The following TYMS variants were observed in gnomAD, a reference collection of about 807,000 sequenced individuals.
TYMS encodes thymidylate synthase.
In TYMS, 21 loss-of-function variants were observed where a neutral mutation model predicts 39.3. The observed-to-expected ratio is 0.54, with a 90% confidence interval of 0.38 to 0.77. TYMS has a LOEUF of 0.77. Ranked by LOEUF, TYMS falls within the 30% of genes least tolerant of loss-of-function variation. The pLI is 0.00. For synonymous variants in TYMS, 171 were observed against 162.2 expected, an observed-to-expected ratio of 1.05 and a Z score of -0.41; for missense variants, 273 against 406.7, an observed-to-expected ratio of 0.67 and a Z score of 2.83.
intron 1 of TYMS, 22 bp from the exon 2 acceptor site, chr18:659,619 C>T (rs184989750): frequency 1.1e-5 from 17 of 1,608,576 alleles, no homozygotes; most frequent in East Asian, 2.2e-5. Flanking sequence ...ATCTTGAAAC[C>T]GTATGGCAAA....
chr18:667,453 GTGA>G (rs767445817), intron 3 of TYMS, among the ~76,000 whole-genome samples: 65 of 972 alleles, frequency 0.067, 23 homozygotes, highest in Non-Finnish European at 0.08. Flanking sequence ...GATGGTGATG[GTGA>G]TGATGGAGAT....
At chr18:666,963 A>ATGGTGATGGTGATGGAGATGGT (rs2074840641) in intron 3 of TYMS, among the ~76,000 whole-genome samples, 1 of 15,908 alleles carries the variant, frequency 6.3e-5, no homozygotes, top group Non-Finnish European at 1.1e-4. Context: ...ATGGAGATGG[A>ATGGTGATGGTGATGGAGATGGT]GATGGTGATG....
chr18:658,435 CT>C lies in TYMS; in HGVS notation c.205+489del. The C allele has an allele frequency of 1.1e-6, 1 of 902,848 alleles. No individual in the cohort carries two copies. The allele number at this position is 902,848 out of a possible 1,614,324, so 55.9% of individuals were successfully genotyped here. A position where few individuals can be genotyped will look rare whatever the true frequency, so the allele number is the denominator to read the frequency against. On this transcript the variant is annotated intron_variant, in intron 1 of 6. Transcript: ENST00000323274. The surrounding 1 kb of genome is among the most constrained non-coding windows in gnomAD (Gnocchi z 4.5). ...CAAAGGCGGCGGGAAGAGGAGAGCA[CT>C]GAAGCTGGCGCGGGAACTTGGTTTC...
chr18:666,550 G>T (rs1049667338), intron 3 of TYMS, among the ~76,000 whole-genome samples: 6 of 152,194 alleles, frequency 3.9e-5, no homozygotes, highest in African/African-American at 4.8e-5. Flanking sequence ...GGGTTTGTGT[G>T]TGCAATTTAC....
At chr18:672,491 G>T in intron 6 of TYMS, 1 of 161,888 alleles carries the variant, frequency 6.2e-6, no homozygotes. Flanking sequence ...CCTTCTTTCT[G>T]CCAGGGACAG....
rs1003809286 is a variant in TYMS at position 672,712 on chromosome 18, A to G, written c.805-148A>G. 3.1e-5 allele frequency: 26 copies of G among 832,578 alleles called. No individual in the cohort carries two copies. In the African/African-American group the frequency reaches 3.2e-4, roughly 10 times the overall value. 51.6% of individuals were successfully genotyped at this position (832,578 alleles called of 1,614,324 possible). A position where few individuals can be genotyped will look rare whatever the true frequency, so the allele number is the denominator to read the frequency against. ...GCTGGTTGCGCTCCAATCATGTTAC[A>G]TAACCTACGGCAAGGTATCGACAGG... is the stretch of plus-strand genomic sequence containing the variant. On this transcript the variant is annotated intron_variant, in intron 6 of 6. Transcript: ENST00000323274.
chr18:671,351 C>G (rs779270127), intron 5 of TYMS, 29 bp from the exon 6 acceptor site: 1 of 1,429,422 alleles, frequency 7.0e-7, no homozygotes, highest in Non-Finnish European at 9.9e-7. Flanking sequence ...AACTAACATA[C>G]TGTTCTGCTT....
At chr18:667,189 G>GGT in intron 3 of TYMS, among the ~76,000 whole-genome samples, 1 of 96,764 alleles carries the variant, frequency 1.0e-5, no homozygotes, top group African/African-American at 6.3e-5. Context: ...TGATGGTGAT[G>GGT]GAGATGGTGA....
intron 2 of TYMS, among the ~76,000 whole-genome samples, chr18:661,783 C>G (rs2074757777): frequency 6.6e-6 from 1 of 152,106 alleles, no homozygotes; most frequent in African/African-American, 2.4e-5. Flanking sequence ...GTCAGGAGTT[C>G]GAGGCCAGCC....
intron 2 of TYMS, 47 bp from the exon 3 acceptor site, chr18:662,099 C>G: frequency 1.3e-6 from 2 of 1,550,222 alleles, no homozygotes; most frequent in Non-Finnish European, 1.7e-6. Flanking sequence ...ACTGAGATGG[C>G]TTAGGATTTA....
rs2074716824 is a variant in TYMS at position 658,392 on chromosome 18, A to G, written c.205+445A>G. The G allele has an allele frequency of 2.4e-6, 3 of 1,249,480 alleles. No individual in the cohort carries two copies. The highest frequency in any genetic ancestry group is 5.7e-5 in the East Asian group (1 of 17,580). The allele number at this position is 1,249,480 out of a possible 1,614,324, so 77.4% of individuals were successfully genotyped here. On this transcript the variant is annotated intron_variant, in intron 1 of 6. Transcript: ENST00000323274. The surrounding 1 kb of genome is among the most constrained non-coding windows in gnomAD (Gnocchi z 4.5). ...CGCAGCGTTTTCAAAAACTGGAGCGAAAGTGATGTGGGCGGGGCAAAGGCG... is the reference window on the plus strand; with the variant it reads ...CGCAGCGTTTTCAAAAACTGGAGCGGAAGTGATGTGGGCGGGGCAAAGGCG...
Position 667,475 on chromosome 18 carries a change from T to A in TYMS, c.455-1597T>A, listed in dbSNP as rs867379260. ...ATGGTGATGATGGAGATGGTGATGG[T>A]GATGGTGATGGTGATGGTGATGGAG... On this transcript the variant is annotated intron_variant, in intron 3 of 6. Transcript: ENST00000323274. Among the ~76,000 whole-genome samples the A allele has an allele frequency of 1.5e-3, 20 of 13,602 alleles. 1 individual carries two copies. The highest frequency in any genetic ancestry group is 2.0e-3 in the Non-Finnish European group (15 of 7,402). 8.9% of individuals were successfully genotyped at this position (13,602 alleles called of 152,430 possible). A position where few individuals can be genotyped will look rare whatever the true frequency, so the allele number is the denominator to read the frequency against.
In TYMS at chr18:660,496, G is replaced by A. The variant is rs987013941; in HGVS notation, c.279+782G>A. Among the ~76,000 whole-genome samples, 8 of 152,232 alleles carry A rather than the reference G, an allele frequency of 5.3e-5. No individual in the cohort carries two copies. Among genetic ancestry groups the A allele is most frequent in the Admixed American group, 3.3e-4 (5 of 15,288 alleles). ...TAAGCTTTATGAGGGCAGAGGATTT[G>A]TTTCTCGTGTTCACTGTTGTATCGC... On this transcript the variant is annotated intron_variant, in intron 2 of 6. Coordinates refer to ENST00000323274, the MANE Select transcript of TYMS (RefSeq NM_001071.4). The surrounding 1 kb of genome is among the most constrained non-coding windows in gnomAD (Gnocchi z 4.6).
chr18:658,188 G>A lies in TYMS; in HGVS notation c.205+241G>A. ...CCGGGAGGTAAGCCGCGTCCCAGCGGCTCCGCGGCCGGGCTCGCAGTCGCC... is the reference window on the plus strand; with the variant it reads ...CCGGGAGGTAAGCCGCGTCCCAGCGACTCCGCGGCCGGGCTCGCAGTCGCC... On this transcript the variant is annotated intron_variant, in intron 1 of 6. Transcript: ENST00000323274. This position sits in a 1 kb window ranked among gnomAD's most constrained non-coding sequence, Gnocchi z 4.5. 1.3e-6 allele frequency: 2 copies of A among 1,549,946 alleles called. No individual in the cohort carries two copies. Among genetic ancestry groups the A allele is most frequent in the East Asian group, 2.5e-5 (1 of 40,646 alleles).
In TYMS at chr18:671,660, G is replaced by C. The variant is rs1046364845; in HGVS notation, c.804+209G>C. On this transcript the variant is annotated intron_variant, in intron 6 of 6. Transcript: ENST00000323274. ...ATGGGCACTTAACATGTCAGGTGCT[G>C]TGAGGTACTAAGCACCAGTACCAGA... is the stretch of plus-strand genomic sequence containing the variant. The C allele has an allele frequency of 8.5e-6, 5 of 588,832 alleles. No homozygotes were observed. The African/African-American group carries it at 9.5e-5, about 11-fold the overall frequency. 36.5% of individuals were successfully genotyped at this position (588,832 alleles called of 1,614,324 possible).
chr18:666,206 C>T (rs2074812403), intron 3 of TYMS, among the ~76,000 whole-genome samples: 1 of 151,178 alleles, frequency 6.6e-6, no homozygotes, highest in Non-Finnish European at 1.5e-5. Context: ...ACTTTCCATA[C>T]TGTGTCATCG....
chr18:658,014 G>A lies in TYMS; in HGVS notation c.205+67G>A. The A allele has an allele frequency of 1.3e-6, 2 of 1,526,630 alleles. No homozygotes were observed. The highest frequency in any genetic ancestry group is 8.8e-7 in the Non-Finnish European group (1 of 1,138,642). 94.6% of individuals were successfully genotyped at this position (1,526,630 alleles called of 1,614,324 possible). The stretch of plus-strand genomic sequence containing the variant: ...GGAGGCGCGGCTGGGGAGAGCGCTC[G>A]GGAGCTGCCGGGCGCTGCGGACCCC... On this transcript the variant is annotated intron_variant, in intron 1 of 6. Transcript: ENST00000323274. The surrounding 1 kb of genome is among the most constrained non-coding windows in gnomAD (Gnocchi z 4.5).
intron 1 of TYMS, 21 bp downstream of exon 1, chr18:657,968 G>A: frequency 6.6e-7 from 1 of 1,508,306 alleles, no homozygotes; most frequent in Non-Finnish European, 8.8e-7. Flanking sequence ...GGGCCCCTGC[G>A]GGACGGGTGG....
chr18:659,893 G>A lies in TYMS; in HGVS notation c.279+179G>A, dbSNP rs188587336. On this transcript the variant is annotated intron_variant, in intron 2 of 6. Coordinates refer to ENST00000323274, the MANE Select transcript of TYMS (RefSeq NM_001071.4). ...TTGAGACCAGCCTGGCCAACATGGC[G>A]ACACCCCAGTCTCTACTAATAACAC... Among the ~76,000 whole-genome samples the A allele has an allele frequency of 1.6e-3, 239 of 152,192 alleles. 3 individuals are homozygous for A. Among genetic ancestry groups the A allele is most frequent in the Non-Finnish European group, 5.3e-4 (36 of 68,016 alleles).
Sources: allele counts gnomAD v4.1 joint callset (sites outside exome capture counted in the v4.1 genomes callset), GRCh38; gene constraint gnomAD v4.1.1; non-coding constraint Gnocchi (gnomAD v3.1); transcripts MANE v1.5; gene names NCBI Gene and HGNC (gene_info 2026-07-23, HGNC 2026-07-21).